Variants in FAT4 observed in about 807,000 individuals in gnomAD.
The protein encoded by FAT4 is protocadherin Fat 4.
FAT4 carries 84 observed loss-of-function variants against 303.9 expected under a neutral mutation model. The observed-to-expected ratio is 0.28, with a 90% CI of 0.23 to 0.33. The LOEUF (loss-of-function observed/expected upper bound fraction) is 0.33, where lower values mean the gene tolerates loss of function less well. FAT4 is among the 10% of genes least tolerant of loss of function. The pLI is 1.00. For missense variants in FAT4, 6,005 were observed against 6,146.8 expected, an observed-to-expected ratio of 0.98 and a Z score of 0.77; for synonymous variants, 2,307 against 2,298.8, an observed-to-expected ratio of 1.00 and a Z score of -0.10.
chr4:125,340,262 G>T (rs984466066), intron 2 of FAT4, among the ~76,000 whole-genome samples: 5 of 152,024 alleles, frequency 3.3e-5, no homozygotes, highest in Admixed American at 6.6e-5. Context: ...TCTCTTAGGT[G>T]GATATTTATT....
intron 5 of FAT4, among the ~76,000 whole-genome samples, chr4:125,411,202 A>G (rs1241371997): frequency 2.0e-5 from 3 of 152,028 alleles, no homozygotes; most frequent in Admixed American, 6.6e-5. Flanking sequence ...TTATCTGTCT[A>G]TGGATTCTGT....
intron 2 of FAT4, among the ~76,000 whole-genome samples, chr4:125,329,762 A>G (rs1731303166): frequency 6.6e-6 from 1 of 152,178 alleles, no homozygotes; most frequent in East Asian, 1.9e-4. Context: ...ATTCTCCCCA[A>G]TAAAAACATA....
intron 2 of FAT4, among the ~76,000 whole-genome samples, chr4:125,364,288 T>C (rs1390831180): frequency 6.6e-6 from 1 of 152,200 alleles, no homozygotes; most frequent in Non-Finnish European, 1.5e-5. Flanking sequence ...AGTAATCTTA[T>C]AGCATCATCT....
In FAT4 at chr4:125,477,561, A is replaced by ATATATG. The variant is rs569407755; in HGVS notation, c.12479+230_12479+231insATGTAT. The stretch of plus-strand genomic sequence containing the variant: ...TTCTTATACATATATATATATATAT[A>ATATATG]TATGCATGTGGGCATGTATATGTTT... On this transcript the variant is annotated intron_variant, in intron 14 of 17. Coordinates refer to ENST00000394329, the MANE Select transcript of FAT4 (RefSeq NM_001291303.3). 1.2e-3 allele frequency among the ~76,000 whole-genome samples: 166 copies of ATATATG among 135,830 alleles called. 4 individuals are homozygous for ATATATG. Among genetic ancestry groups the ATATATG allele is most frequent in the Admixed American group, 0.01 (137 of 13,330 alleles). 89.1% of individuals were successfully genotyped at this position (135,830 alleles called of 152,430 possible). A position where few individuals can be genotyped will look rare whatever the true frequency, so the allele number is the denominator to read the frequency against.
At chr4:125,464,845 A>G (rs1726606272) in intron 11 of FAT4, among the ~76,000 whole-genome samples, 1 of 152,190 alleles carries the variant, frequency 6.6e-6, no homozygotes, top group Non-Finnish European at 1.5e-5. Flanking sequence ...CTTAAGCAAG[A>G]AAGAGCAAGG....
rs751472010 is a variant in FAT4 at position 125,317,792 on chromosome 4, C to T, written c.1381C>T (p.Leu461=). The change falls in exon 2 of 18, where the codon CTG becomes TTG. Residue 461 remains leucine, a synonymous_variant. Coordinates refer to ENST00000394329, the MANE Select transcript of FAT4 (RefSeq NM_001291303.3). The surrounding 1 kb of genome is among the most constrained non-coding windows in gnomAD (Gnocchi z 7.0). ...CCAGGCGCGCTCTTCTGTGGCAAGC[C>T]TGGTGATTTTTGTTAATGACATCAA... ...AVQARSSVAS[L]VIFVNDINDH... The T allele has an allele frequency of 6.2e-7, 1 of 1,614,204 alleles. No individual in the cohort carries two copies. Among genetic ancestry groups the T allele is most frequent in the Non-Finnish European group, 8.5e-7 (1 of 1,180,036 alleles).
chr4:125,411,172 A>C (rs112739308), intron 5 of FAT4, among the ~76,000 whole-genome samples: 7 of 152,194 alleles, frequency 4.6e-5, no homozygotes, highest in South Asian at 2.1e-4. Context: ...ATTTTATATG[A>C]AAATAAATGT....
intron 8 of FAT4, among the ~76,000 whole-genome samples, chr4:125,438,503 A>G (rs958615344): frequency 1.3e-5 from 2 of 152,174 alleles, no homozygotes; most frequent in African/African-American, 2.4e-5. Flanking sequence ...GAGAATTAAC[A>G]TTATACTTTT....
chr4:125,339,340 C>T (rs1731688236), intron 2 of FAT4, among the ~76,000 whole-genome samples: 1 of 151,908 alleles, frequency 6.6e-6, no homozygotes, highest in Non-Finnish European at 1.5e-5. Flanking sequence ...GGATTACAGG[C>T]TCATGCCACC....
In FAT4 at chr4:125,459,103, G is replaced by T. The variant is rs140243798; in HGVS notation, c.11801-4460G>T. ...GCACATATTCTCCCATCTCCTCTGT[G>T]TAGAAATACAGGAGATTTAAAAATA... On this transcript the variant is annotated intron_variant, in intron 10 of 17. Coordinates refer to ENST00000394329, the MANE Select transcript of FAT4 (RefSeq NM_001291303.3). Among the ~76,000 whole-genome samples, 82 of 151,982 alleles carry T rather than the reference G, an allele frequency of 5.4e-4. 1 individual carries two copies. The highest frequency in any genetic ancestry group is 8.4e-4 in the Non-Finnish European group (57 of 67,886).
chr4:125,347,228 ATATAT>A (rs1483249225), intron 2 of FAT4, among the ~76,000 whole-genome samples: 1 of 150,608 alleles, frequency 6.6e-6, no homozygotes, highest in African/African-American at 2.4e-5. Context: ...AATATATGGC[ATATAT>A]TATGTCTATG....
intron 2 of FAT4, among the ~76,000 whole-genome samples, chr4:125,395,779 C>T (rs899384260): frequency 3.3e-5 from 5 of 152,072 alleles, no homozygotes; most frequent in African/African-American, 1.2e-4. Context: ...TACAACTGGT[C>T]TATATAGATT....
At chr4:125,330,172 C>G (rs1429967181) in intron 2 of FAT4, among the ~76,000 whole-genome samples, 1 of 152,196 alleles carries the variant, frequency 6.6e-6, no homozygotes, top group Admixed American at 6.5e-5. Flanking sequence ...GCATAGAACA[C>G]CCTTTCTCCA....
chr4:125,368,490 TA>T (rs1342320553), intron 2 of FAT4, among the ~76,000 whole-genome samples: 3 of 145,612 alleles, frequency 2.1e-5, no homozygotes, highest in Non-Finnish European at 4.5e-5. Context: ...AGTTAGGATA[TA>T]TATATATATG....
At position 125,318,890 on chromosome 4, in the gene FAT4, A is replaced by G. The variant is rs757839205; in HGVS notation, c.2479A>G (p.Ser827Gly). The change falls in exon 2 of 18, where the codon AGT becomes GGT. Residue 827 changes from serine (S) to glycine (G), a missense_variant. Coordinates refer to ENST00000394329, the MANE Select transcript of FAT4 (RefSeq NM_001291303.3). ...ASTMDLNSNI[S>G]YLITTGDQKG... ...CACCATGGATCTCAATTCCAACATC[A>G]GTTATCTCATTACTACTGGGGATCA... 1 of 1,614,194 alleles carries G rather than the reference A, an allele frequency of 6.2e-7. No individual in the cohort carries two copies. The highest frequency in any genetic ancestry group is 1.1e-5 in the South Asian group (1 of 91,074).
intron 3 of FAT4, among the ~76,000 whole-genome samples, chr4:125,400,087 C>T (rs1253049310): frequency 1.3e-5 from 2 of 151,784 alleles, no homozygotes; most frequent in Non-Finnish European, 2.9e-5. Flanking sequence ...TGGCATAGGA[C>T]AATTGACATC....
rs1205052139 is a variant in FAT4, at chr4:125,449,819, T to C, written c.8809T>C (p.Tyr2937His). 6 of 1,613,906 alleles carry C rather than the reference T, an allele frequency of 3.7e-6. No homozygotes were observed. The highest frequency in any genetic ancestry group is 5.1e-6 in the Non-Finnish European group (6 of 1,179,892). The stretch of plus-strand genomic sequence containing the variant: ...GATTTTCAATAAACAGATCTTAAAA[T>C]ACCAAAATGTCACTGGCTTCAGTAA... ...GEIFNKQILK[Y>H]QNVTGFSNVN... The change falls in exon 10 of 18, where the codon TAC (tyrosine) becomes CAC (histidine). Residue 2937 changes from tyrosine to histidine, a missense_variant. Coordinates refer to ENST00000394329, the MANE Select transcript of FAT4 (RefSeq NM_001291303.3).
intron 8 of FAT4, 74 bp downstream of exon 8, chr4:125,434,499 T>C: frequency 1.5e-6 from 2 of 1,331,136 alleles, no homozygotes; most frequent in Admixed American, 1.9e-5. Flanking sequence ...ATGAATATAA[T>C]GTTTAATTTA....
At chr4:125,470,753 C>T (rs1170179937) in intron 12 of FAT4, among the ~76,000 whole-genome samples, 4 of 152,178 alleles carry the variant, frequency 2.6e-5, no homozygotes, top group African/African-American at 9.7e-5. Context: ...TCTATCCAGA[C>T]TGCTAAAACT....
Sources: gnomAD v4.1 joint callset for allele counts (sites outside exome capture counted in the v4.1 genomes callset) on GRCh38, gnomAD v4.1.1 for gene constraint, Gnocchi (gnomAD v3.1) non-coding constraint, MANE v1.5 for transcripts, NCBI Gene and HGNC (gene_info 2026-07-23, HGNC 2026-07-21) for gene names.